The following STAU1 variants were observed in gnomAD, a reference collection of about 807,000 sequenced individuals.
STAU1 encodes the protein staufen double-stranded RNA binding protein 1.
Under a neutral mutation model 62.9 loss-of-function variants are expected in STAU1, and 13 were observed. The ratio of observed to expected loss-of-function variants is 0.21; its 90% CI spans 0.13 to 0.33. The LOEUF is 0.33. Ranked by LOEUF, STAU1 falls within the 10% of genes least tolerant of loss-of-function variation. The pLI, the probability that STAU1 is intolerant of heterozygous loss-of-function variation, is 1.00. For missense variants in STAU1, 571 were observed against 712.1 expected (o/e 0.80, Z 2.25); for synonymous variants, 269 against 265.1 (o/e 1.01, Z -0.14).
chr20:49,199,071 G>A, the STAU1 span, among the ~76,000 whole-genome samples: 191 of 148,226 alleles, frequency 1.3e-3, no homozygotes, highest in African/African-American at 4.4e-3. Context: ...ACTTGAACCC[G>A]GGAGGCAGAG....
In STAU1 at chr20:49,157,337, G is replaced by C. The variant is rs763790189; in HGVS notation, c.206-3266C>G. Among the ~76,000 whole-genome samples the C allele has an allele frequency of 6.6e-5, 10 of 151,790 alleles. No individual in the cohort carries two copies. In the East Asian group the frequency reaches 1.4e-3, roughly 21 times the overall value. ...ATAACCACCCTTTTTTTCAGTTTTT[G>C]AAATGGGGTCTTGCTCTGCTGTCCA... On this transcript the variant is annotated intron_variant, in intron 3 of 13. Coordinates refer to ENST00000371856, the MANE Select transcript of STAU1 (RefSeq NM_017453.4).
At chr20:49,132,755 A>C (rs1266684475) in intron 6 of STAU1, among the ~76,000 whole-genome samples, 1 of 137,258 alleles carries the variant, frequency 7.3e-6, no homozygotes, top group Non-Finnish European at 1.6e-5. Context: ...GCAAAACTCC[A>C]TCTCCAAAAC....
At chr20:49,173,605 T>G (rs964289264) in intron 2 of STAU1, among the ~76,000 whole-genome samples, 1 of 152,212 alleles carries the variant, frequency 6.6e-6, no homozygotes, top group Admixed American at 6.5e-5. Context: ...CTCAGAGATA[T>G]GGTACAGCAA....
At chr20:49,125,194 T>G (rs2092571269) in intron 6 of STAU1, among the ~76,000 whole-genome samples, 1 of 67,940 alleles carries the variant, frequency 1.5e-5, no homozygotes, top group African/African-American at 4.3e-5. Flanking sequence ...TAAGCTCATT[T>G]TTGCAAAAAA....
the STAU1 span, among the ~76,000 whole-genome samples, chr20:49,206,721 A>ATATATATATATATATG: frequency 4.0e-4 from 4 of 9,964 alleles, no homozygotes; most frequent in African/African-American, 1.5e-3. Context: ...ATGAAATTTT[A>ATATATATATATATATG]TATATATATA....
At chr20:49,204,592 T>TTATATATATATATATA in the STAU1 span, among the ~76,000 whole-genome samples, 113 of 45,628 alleles carry the variant, frequency 2.5e-3, no homozygotes, top group Non-Finnish European at 4.0e-3. Context: ...GGATTTTACA[T>TTATATATATATATATA]TATATATATA....
the STAU1 span, among the ~76,000 whole-genome samples, chr20:49,213,238 A>G: frequency 2.1e-5 from 3 of 143,300 alleles, no homozygotes; most frequent in East Asian, 6.1e-4. Context: ...TCATTTCTCA[A>G]TTTTTTTTTT....
Position 49,158,376 on chromosome 20 carries a change from C to T in STAU1, c.206-4305G>A, listed in dbSNP as rs1000437570. The T allele has an allele frequency of 4.4e-6, 5 of 1,138,336 alleles. No homozygotes were observed. In the East Asian group the frequency reaches 1.7e-4, roughly 40 times the overall value. The allele number at this position is 1,138,336 out of a possible 1,614,324, so 70.5% of individuals were successfully genotyped here. A position where few individuals can be genotyped will look rare whatever the true frequency, so the allele number is the denominator to read the frequency against. On this transcript the variant is annotated intron_variant, in intron 3 of 13. Coordinates refer to ENST00000371856, the MANE Select transcript of STAU1 (RefSeq NM_017453.4). ...ACTTACAAATAATTTACAAGGGAAA[C>T]CTGGATTTCAGTATGTCTAGGTCAT...
At chr20:49,168,598 T>C (rs957528888) in intron 2 of STAU1, among the ~76,000 whole-genome samples, 6 of 151,992 alleles carry the variant, frequency 3.9e-5, no homozygotes, top group Admixed American at 2.6e-4. Context: ...ATGATAAATA[T>C]GAAAATGCAA....
rs1374462210 is a variant in STAU1, at chr20:49,117,673, CTTGAT to C, written c.1509+99_1509+103del. On this transcript the variant is annotated intron_variant, in intron 11 of 13. Transcript: ENST00000371856. The surrounding 1 kb of genome is among the most constrained non-coding windows in gnomAD (Gnocchi z 4.6). ...CTCCCCAGCCCATCCCTGGACAGAACTTGATTTAAGAAAAAAGTACAAAGTTCAAA... is the reference window on the plus strand; with the variant it reads ...CTCCCCAGCCCATCCCTGGACAGAACTTAAGAAAAAAGTACAAAGTTCAAA... 3.9e-6 allele frequency: 5 copies of C among 1,269,736 alleles called. No individual in the cohort carries two copies. Among genetic ancestry groups the C allele is most frequent in the Non-Finnish European group, 3.2e-6 (3 of 935,074 alleles). The allele number at this position is 1,269,736 out of a possible 1,614,324, so 78.7% of individuals were successfully genotyped here. A position where few individuals can be genotyped will look rare whatever the true frequency, so the allele number is the denominator to read the frequency against.
intron 5 of STAU1, among the ~76,000 whole-genome samples, chr20:49,139,424 T>C (rs1411605857): frequency 6.6e-6 from 1 of 152,112 alleles, no homozygotes; most frequent in African/African-American, 2.4e-5. Flanking sequence ...GGCATTTCTC[T>C]AAAGAAATAC....
At chr20:49,141,129 GT>G (rs1228230924) in intron 5 of STAU1, among the ~76,000 whole-genome samples, 1 of 152,074 alleles carries the variant, frequency 6.6e-6, no homozygotes, top group East Asian at 1.9e-4. Flanking sequence ...AATTTTCAAT[GT>G]TTTGTTCATT....
the STAU1 span, among the ~76,000 whole-genome samples, chr20:49,217,667 TC>T: frequency 7.8e-6 from 1 of 127,508 alleles, no homozygotes; most frequent in Admixed American, 9.7e-5. Context: ...GTTTTTTTTT[TC>T]CTTTTAAAAT....
chr20:49,129,280 ATTTTTTTTTT>A (rs71184264), intron 6 of STAU1, among the ~76,000 whole-genome samples: 2 of 87,928 alleles, frequency 2.3e-5, no homozygotes, highest in Non-Finnish European at 4.0e-5. Flanking sequence ...TTAAAAAAAA[ATTTTTTTTTT>A]TTTTTTTTTT....
intron 1 of STAU1, among the ~76,000 whole-genome samples, chr20:49,182,518 A>T (rs978624767): frequency 1.2e-4 from 19 of 152,348 alleles, no homozygotes; most frequent in African/African-American, 4.6e-4. Context: ...GCTTCATAAT[A>T]CTGTATGGTA....
the STAU1 span, among the ~76,000 whole-genome samples, chr20:49,206,875 C>A: frequency 6.6e-6 from 1 of 151,110 alleles, no homozygotes; most frequent in Non-Finnish European, 1.5e-5. Flanking sequence ...CCTGCCTCAG[C>A]CTCCCGAGTA....
Position 49,166,275 on chromosome 20 carries a change from T to A in STAU1, c.-74A>T. 1 of 1,351,724 alleles carries A rather than the reference T, an allele frequency of 7.4e-7. No individual in the cohort carries two copies. The highest frequency in any genetic ancestry group is 1.4e-5 in the African/African-American group (1 of 69,042). 83.7% of individuals were successfully genotyped at this position (1,351,724 alleles called of 1,614,324 possible). On this transcript the variant is annotated 5_prime_UTR_variant, in exon 3 of 14. Coordinates refer to ENST00000371856, the MANE Select transcript of STAU1 (RefSeq NM_017453.4). ...CAGGTTAATTCAGTGCTATGAAGTC[T>A]AAAGTTCTACCTAAAAGTTGTAAGG...
chr20:49,175,997 T>C (rs2093656395), intron 1 of STAU1, among the ~76,000 whole-genome samples: 1 of 151,902 alleles, frequency 6.6e-6, no homozygotes, highest in South Asian at 2.1e-4. Flanking sequence ...GGTTTCATCG[T>C]GTTAGCCAGG....
chr20:49,176,912 GT>G (rs11368238), intron 1 of STAU1, among the ~76,000 whole-genome samples: 41,019 of 135,492 alleles, frequency 0.3, 6,213 homozygotes, highest in Middle Eastern at 0.45. Flanking sequence ...AGGGTGTCTA[GT>G]TTTTTTTTTT....
Sources: gnomAD v4.1 joint callset for allele counts (sites outside exome capture counted in the v4.1 genomes callset) on GRCh38, gnomAD v4.1.1 for gene constraint, Gnocchi (gnomAD v3.1) non-coding constraint, MANE v1.5 for transcripts, NCBI Gene and HGNC (gene_info 2026-07-23, HGNC 2026-07-21) for gene names.